Variants in FRMPD4 observed in about 807,000 individuals in gnomAD.
The protein encoded by FRMPD4 is FERM and PDZ domain-containing protein 4.
FRMPD4 carries 22 observed loss-of-function variants against 94.1 expected under a neutral mutation model. That is an observed-to-expected ratio of 0.23 (90% confidence interval 0.17 to 0.33). The LOEUF (loss-of-function observed/expected upper bound fraction) is 0.33, where lower values mean the gene tolerates loss of function less well. Among genes scored for constraint, FRMPD4 ranks in the 10% least tolerant of loss-of-function variants. FRMPD4 has a pLI of 1.00. For synonymous variants in FRMPD4, 631 were observed against 548.6 expected, an observed-to-expected ratio of 1.15 and a Z score of -2.10; for missense variants, 1,111 against 1,339.9, an observed-to-expected ratio of 0.83 and a Z score of 2.67.
intron 1 of FRMPD4, among the ~76,000 whole-genome samples, chrX:12,343,726 A>T (rs2147962331): frequency 8.9e-6 from 1 of 111,932 alleles, no homozygotes; most frequent in Non-Finnish European, 1.9e-5. Flanking sequence ...CACACGATTT[A>T]TCATGAGCTT....
chrX:12,494,757 C>T (rs1038436573), intron 1 of FRMPD4, among the ~76,000 whole-genome samples: 1 of 111,870 alleles, frequency 8.9e-6, no homozygotes, highest in African/African-American at 3.2e-5. Context: ...TTCATAGCTG[C>T]TCTCATTTCC....
At chrX:12,398,408 C>G (rs1008993169) in intron 1 of FRMPD4, among the ~76,000 whole-genome samples, 1 of 111,830 alleles carries the variant, frequency 8.9e-6, no homozygotes, top group Admixed American at 9.5e-5. Flanking sequence ...AATGCTTGCT[C>G]CTTCCCATGA....
intron 2 of FRMPD4, among the ~76,000 whole-genome samples, chrX:12,605,538 T>C (rs1226617711): frequency 9.0e-6 from 1 of 111,664 alleles, no homozygotes; most frequent in East Asian, 2.8e-4. Context: ...ACATGTCTAC[T>C]TGTTCCACTC....
chrX:12,569,687 AAATTT>A (rs1188242045), intron 2 of FRMPD4, among the ~76,000 whole-genome samples: 4 of 112,781 alleles, frequency 3.5e-5, no homozygotes, highest in South Asian at 3.6e-4. Flanking sequence ...AGTTACACAG[AAATTT>A]AATTTAAAAA....
At chrX:12,693,098 A>C (rs906697068) in intron 8 of FRMPD4, among the ~76,000 whole-genome samples, 2 of 112,280 alleles carry the variant, frequency 1.8e-5, no homozygotes, top group Non-Finnish European at 3.8e-5. Flanking sequence ...AAAGTTAGCG[A>C]ACTGTAAATA....
intron 2 of FRMPD4, among the ~76,000 whole-genome samples, chrX:12,574,957 C>T (rs1391464685): frequency 8.9e-6 from 1 of 112,001 alleles, no homozygotes; most frequent in African/African-American, 3.2e-5. Flanking sequence ...TAAATAAGAA[C>T]ATCTATGAAG....
chrX:12,060,911 A>C (rs1433937849), intron 3 of FRMPD4, among the ~76,000 whole-genome samples: 1 of 112,272 alleles, frequency 8.9e-6, no homozygotes, highest in East Asian at 2.8e-4. Context: ...ATTTTCCTGC[A>C]TAATATCTAC....
chrX:12,039,200 AATTT>A (rs1041829415), intron 3 of FRMPD4, among the ~76,000 whole-genome samples: 1 of 107,122 alleles, frequency 9.3e-6, no homozygotes, highest in Non-Finnish European at 1.9e-5. Flanking sequence ...TTTTGCATTT[AATTT>A]ATTTATTTAT....
chrX:12,327,190 A>G (rs1036184218), intron 1 of FRMPD4, among the ~76,000 whole-genome samples: 2 of 112,108 alleles, frequency 1.8e-5, no homozygotes, highest in African/African-American at 6.5e-5. Flanking sequence ...AAACATGAAT[A>G]TGTATTGTCT....
At chrX:12,106,893 G>C (rs1437321799) in intron 3 of FRMPD4, among the ~76,000 whole-genome samples, 1 of 112,034 alleles carries the variant, frequency 8.9e-6, no homozygotes, top group Admixed American at 9.4e-5. Context: ...GGTAAACAAA[G>C]TCACCAGGAA....
chrX:12,281,400 A>G (rs2054523640), intron 1 of FRMPD4, among the ~76,000 whole-genome samples: 1 of 107,873 alleles, frequency 9.3e-6, no homozygotes, highest in South Asian at 4.2e-4. Context: ...TTTGAGACAG[A>G]GACTGACTCT....
intron 4 of FRMPD4, among the ~76,000 whole-genome samples, chrX:12,666,022 G>A (rs1358236619): frequency 9.1e-6 from 1 of 110,109 alleles, no homozygotes; most frequent in Non-Finnish European, 1.9e-5. Context: ...GCTGTATTCA[G>A]GAGACCCATC....
At chrX:12,093,234 C>G (rs2055169999) in intron 3 of FRMPD4, among the ~76,000 whole-genome samples, 1 of 111,232 alleles carries the variant, frequency 9.0e-6, no homozygotes, top group Admixed American at 9.6e-5. Context: ...GGGTTATGAG[C>G]AAGGGAATTA....
At chrX:12,024,417 T>G (rs2054648542) in intron 3 of FRMPD4, among the ~76,000 whole-genome samples, 2 of 112,256 alleles carry the variant, frequency 1.8e-5, no homozygotes, top group African/African-American at 3.2e-5. Context: ...GTTTAGTTTC[T>G]TTTTAGTCCA....
chrX:12,542,219 G>A (rs1044103488), intron 2 of FRMPD4, among the ~76,000 whole-genome samples: 1 of 112,091 alleles, frequency 8.9e-6, no homozygotes, highest in Non-Finnish European at 1.9e-5. Flanking sequence ...ATTCAACATA[G>A]TGTTGGAAGT....
intron 1 of FRMPD4, among the ~76,000 whole-genome samples, chrX:12,159,301 G>A (rs758858739): frequency 1.8e-5 from 2 of 112,041 alleles, no homozygotes; most frequent in Non-Finnish European, 3.8e-5. Context: ...ACATCCCTTA[G>A]TGAGAACCTG....
chrX:12,227,283 C>T (rs1458494151), intron 1 of FRMPD4, among the ~76,000 whole-genome samples: 2 of 110,715 alleles, frequency 1.8e-5, no homozygotes, highest in Non-Finnish European at 3.8e-5. Flanking sequence ...GGAAACAGCT[C>T]TTGCATGGCC....
chrX:12,273,142 C>T (rs1165600791), intron 1 of FRMPD4, among the ~76,000 whole-genome samples: 1 of 111,263 alleles, frequency 9.0e-6, no homozygotes, highest in African/African-American at 3.3e-5. Context: ...ACTCCAGCTC[C>T]TACCCTTTAC....
Position 12,422,625 on chromosome X carries a change from A to G in FRMPD4, c.42-76055A>G, listed in dbSNP as rs184692595. ...CAGAATGATTACAGAGGATGAGGAAAGCTCTCCAGGATTCCACAGTGAGCT... is the reference window on the plus strand; with the variant it reads ...CAGAATGATTACAGAGGATGAGGAAGGCTCTCCAGGATTCCACAGTGAGCT... On this transcript the variant is annotated intron_variant, in intron 1 of 16. Transcript: ENST00000675598. 3.5e-3 allele frequency among the ~76,000 whole-genome samples: 394 copies of G among 112,487 alleles called. 2 individuals are homozygous for G. The highest frequency in any genetic ancestry group is 0.014 in the Middle Eastern group (3 of 219).
Sources: gnomAD v4.1 joint callset for allele counts (sites outside exome capture counted in the v4.1 genomes callset) on GRCh38, gnomAD v4.1.1 for gene constraint, MANE v1.5 for transcripts, NCBI Gene and HGNC (gene_info 2026-07-23, HGNC 2026-07-21) for gene names.